TAF1: variants seen among roughly 807,000 people sequenced by gnomAD.
The protein encoded by TAF1 is transcription initiation factor TFIID subunit 1.
TAF1 carries 2 observed loss-of-function variants against 138.5 expected under a neutral mutation model. The observed-to-expected ratio is 0.01, with a 90% CI of 0.01 to 0.05. TAF1 has a LOEUF of 0.05. Among genes scored for constraint, TAF1 ranks in the 10% least tolerant of loss-of-function variants. The pLI is 1.00. For missense variants in TAF1, 709 were observed against 1,478.0 expected (o/e 0.48, Z 8.53); for synonymous variants, 437 against 503.2 (o/e 0.87, Z 1.76).
At chrX:71,452,277 G>A (rs1424214048) in intron 32 of TAF1, among the ~76,000 whole-genome samples, 2 of 108,529 alleles carry the variant, frequency 1.8e-5, no homozygotes, top group Non-Finnish European at 3.9e-5. Flanking sequence ...GGCGGCTGCC[G>A]GGCGGAGGGG....
At chrX:71,439,978 A>G (rs1469004989) in intron 32 of TAF1, among the ~76,000 whole-genome samples, 1 of 111,448 alleles carries the variant, frequency 9.0e-6, no homozygotes. Context: ...TCATTTGTGC[A>G]TAAGTGTGTG....
intron 32 of TAF1, among the ~76,000 whole-genome samples, chrX:71,437,096 G>A (rs2037181969): frequency 9.0e-6 from 1 of 110,953 alleles, no homozygotes; most frequent in Non-Finnish European, 1.9e-5. Flanking sequence ...ATTTCTCATT[G>A]TCGAGTTTAT....
chrX:71,487,935 G>A (rs1011129252), intron 13 of TAF1, among the ~76,000 whole-genome samples: 2 of 112,022 alleles, frequency 1.8e-5, no homozygotes, highest in African/African-American at 3.2e-5. Context: ...CTGTACTACT[G>A]TAAATATGTG....
intron 32 of TAF1, among the ~76,000 whole-genome samples, chrX:71,429,274 CA>C (rs11450427): frequency 7.1e-5 from 7 of 99,103 alleles, no homozygotes; most frequent in African/African-American, 1.1e-4. Context: ...GACTCTGTCT[CA>C]AAAAAAAAAG....
At chrX:71,454,140 G>GATA (rs1569367069) in intron 32 of TAF1, 30 bp from the exon 33 acceptor site, 1 of 1,177,120 alleles carries the variant, frequency 8.5e-7, no homozygotes, top group Admixed American at 2.2e-5. Context: ...AGTCTGCAAA[G>GATA]ATAATGGCAC....
intron 32 of TAF1, among the ~76,000 whole-genome samples, chrX:71,439,130 A>G (rs2037285749): frequency 9.0e-6 from 1 of 111,570 alleles, no homozygotes; most frequent in Non-Finnish European, 1.9e-5. Flanking sequence ...TGGATGTCTC[A>G]ATGGAACTTA....
intron 32 of TAF1, among the ~76,000 whole-genome samples, chrX:71,445,972 A>G (rs184118167): frequency 4.8e-5 from 5 of 104,153 alleles, no homozygotes; most frequent in Admixed American, 2.1e-4. Context: ...GTGTAGTGGC[A>G]TGATCTCGGC....
At chrX:71,502,204 C>T (rs1330397968) in intron 13 of TAF1, among the ~76,000 whole-genome samples, 2 of 111,809 alleles carry the variant, frequency 1.8e-5, no homozygotes, top group African/African-American at 6.5e-5. Context: ...GGTGCATTTA[C>T]AGTCCTTTAG....
At chrX:71,374,450 A>G (rs1360799395) in intron 3 of TAF1, among the ~76,000 whole-genome samples, 1 of 111,695 alleles carries the variant, frequency 9.0e-6, no homozygotes, top group Non-Finnish European at 1.9e-5. Flanking sequence ...TCTGAAGGCT[A>G]AAGCTATGTT....
intron 32 of TAF1, among the ~76,000 whole-genome samples, chrX:71,431,602 C>G (rs1005889719): frequency 9.1e-5 from 10 of 110,442 alleles, no homozygotes; most frequent in Non-Finnish European, 1.9e-4. Flanking sequence ...AAGAATAGAC[C>G]TGACAAATTC....
rs150788734 is a variant in TAF1 at position 71,464,018 on chromosome X, G to A, written c.5594G>A (p.Gly1865Glu). ...EDSEDFHSIAGDSDLDSDE is the reference protein window; with the variant it reads ...EDSEDFHSIAEDSDLDSDE ...AGTGAGGATTTCCACTCCATTGCTG[G>A]GGACAGTGACTTGGACTCTGATGAA... The change falls in exon 38 of 38, where the codon GGG becomes GAG. Residue 1865 changes from glycine to glutamate, a missense_variant. Physicochemically the swap from Gly to Glu is moderately conservative, Grantham distance 98 (BLOSUM62 -2). Transcript: ENST00000423759. The A allele has an allele frequency of 8.4e-7, 1 of 1,193,779 alleles. No individual in the cohort carries two copies. The highest frequency in any genetic ancestry group is 1.8e-5 in the African/African-American group (1 of 56,905).
chrX:71,424,214 C>G lies in TAF1; in HGVS notation c.4729C>G (p.Leu1577Val), dbSNP rs770995986. 38 of 1,205,348 alleles carry G rather than the reference C, an allele frequency of 3.2e-5. No individual in the cohort carries two copies. The highest frequency in any genetic ancestry group is 1.5e-5 in the Non-Finnish European group (13 of 892,221). ...CTTTCTGGATGATGTAAACCTTATT[C>G]TGGCCAACAGTGTTAAGTATAATGG... ...ESFLDDVNLI[L>V]ANSVKYNGPE... is the part of the protein sequence containing the mutation. Residue 1577 changes from leucine to valine, a missense_variant, in exon 32 of 38, where the codon CTG becomes GTG. Physicochemically the swap from Leu to Val is conservative, Grantham distance 32. Around this residue, in one of 14 missense-constraint regions of TAF1, gnomAD observed 36 missense variants for 47.3 expected, o/e 0.76. Coordinates refer to ENST00000423759, the MANE Select transcript of TAF1 (RefSeq NM_004606.5).
intron 28 of TAF1, among the ~76,000 whole-genome samples, chrX:71,408,356 C>T (rs764931332): frequency 9.0e-6 from 1 of 110,768 alleles, no homozygotes; most frequent in Non-Finnish European, 1.9e-5. Context: ...GAGTCTCTGT[C>T]ATCCAGGCTG....
chrX:71,480,696 C>T (rs771145416), intron 13 of TAF1, among the ~76,000 whole-genome samples: 1 of 111,585 alleles, frequency 9.0e-6, no homozygotes, highest in Non-Finnish European at 1.9e-5. Flanking sequence ...CTATAAAGAA[C>T]ACTAAAGTAA....
intron 8 of TAF1, among the ~76,000 whole-genome samples, chrX:71,379,899 G>T (rs1353443987): frequency 8.9e-6 from 1 of 111,826 alleles, no homozygotes; most frequent in Non-Finnish European, 1.9e-5. Context: ...ACCACGCCTG[G>T]CCTGAAGTTA....
At chrX:71,482,974 A>G in intron 13 of TAF1, among the ~76,000 whole-genome samples, 1 of 110,366 alleles carries the variant, frequency 9.1e-6, no homozygotes, top group Non-Finnish European at 1.9e-5. Flanking sequence ...TTTCACCTCA[A>G]GAAGCACTTT....
Position 71,464,280 on chromosome X carries a change from C to T in TAF1, c.*234C>T, listed in dbSNP as rs1014060151. 9 of 392,410 alleles carry T rather than the reference C, an allele frequency of 2.3e-5. No homozygotes were observed. Among genetic ancestry groups the T allele is most frequent in the Admixed American group, 1.9e-4 (4 of 21,283 alleles). The allele number at this position is 392,410 out of a possible 1,213,427, so 32.3% of individuals were successfully genotyped here. On this transcript the variant is annotated 3_prime_UTR_variant, in exon 38 of 38. Transcript: ENST00000423759. ...AGCAACCCCCTTTCCCCTACCACTA[C>T]GGAAAAGAGCAAGCTCATTTTTCCG...
intron 32 of TAF1, chrX:71,441,872 G>A: frequency 6.3e-6 from 1 of 158,583 alleles, no homozygotes; most frequent in South Asian, 9.3e-5. Context: ...TTGTGTCCAG[G>A]TGTTCTCATT....
intron 18 of TAF1, among the ~76,000 whole-genome samples, chrX:71,392,303 T>TTC (rs1316006735): frequency 9.0e-6 from 1 of 111,341 alleles, no homozygotes; most frequent in African/African-American, 3.3e-5. Flanking sequence ...TTCTTTATTT[T>TTC]TCTCCTTATC....
Sources: gnomAD v4.1 joint callset for allele counts (sites outside exome capture counted in the v4.1 genomes callset) on GRCh38, gnomAD v4.1.1 for gene constraint, gnomAD v4.1.1 regional missense constraint, MANE v1.5 for transcripts, NCBI Gene and HGNC (gene_info 2026-07-23, HGNC 2026-07-21) for gene names.